The following ZNF536 variants were observed in gnomAD, a reference collection of about 807,000 sequenced individuals.
ZNF536 encodes zinc finger protein 536.
ZNF536 carries 13 observed loss-of-function variants against 84.5 expected under a neutral mutation model. That is an observed-to-expected ratio of 0.15 (90% CI 0.10 to 0.24). ZNF536 has a LOEUF of 0.24. Ranked by LOEUF, ZNF536 falls within the 10% of genes least tolerant of loss-of-function variation. The pLI is 1.00. For synonymous variants in ZNF536, 811 were observed against 742.5 expected (o/e 1.09, Z -1.50); for missense variants, 1,536 against 1,747.5 (o/e 0.88, Z 2.16).
intron 3 of ZNF536, among the ~76,000 whole-genome samples, chr19:30,365,693 A>C (rs1295604417): frequency 6.6e-6 from 1 of 151,908 alleles, no homozygotes; most frequent in Non-Finnish European, 1.5e-5. Flanking sequence ...GAGAGGACTG[A>C]CTCCTTAGCT....
intron 3 of ZNF536, among the ~76,000 whole-genome samples, chr19:30,360,169 C>A (rs540215222): frequency 6.6e-6 from 1 of 152,210 alleles, no homozygotes; most frequent in Non-Finnish European, 1.5e-5. Flanking sequence ...GAAAGTACCA[C>A]GCAGCGAGCT....
downstream of ZNF536, among the ~76,000 whole-genome samples, chr19:30,560,796 T>C (rs1169416776): frequency 6.6e-6 from 1 of 152,244 alleles, no homozygotes; most frequent in Non-Finnish European, 1.5e-5. Context: ...GATTATTCCA[T>C]AAGTATAGTC....
At chr19:30,514,487 C>A (rs1216915680) in intron 2 of ZNF536, among the ~76,000 whole-genome samples, 2 of 152,140 alleles carry the variant, frequency 1.3e-5, no homozygotes, top group African/African-American at 4.8e-5. Context: ...AATGGTGTGA[C>A]TGTGTTGGAG....
intron 2 of ZNF536, among the ~76,000 whole-genome samples, chr19:30,322,315 TATG>T (rs2046884288): frequency 6.6e-6 from 1 of 152,226 alleles, no homozygotes; most frequent in African/African-American, 2.4e-5. Context: ...AAAAAAATAC[TATG>T]ATGATCATCT....
At position 30,539,138 on chromosome 19, in the gene ZNF536, C is replaced by G. The variant is rs560193328; in HGVS notation, c.2323+4139C>G. ...TATGCACCCCCCCCACACACACACA[C>G]GCACACAGGAGATTTATAAGAAATT... On this transcript the variant is annotated intron_variant, in intron 3 of 4. Transcript: ENST00000355537. Among the ~76,000 whole-genome samples, 3 of 152,034 alleles carry G rather than the reference C, an allele frequency of 2.0e-5. No homozygotes were observed. The South Asian group carries it at 6.2e-4, about 32-fold the overall frequency.
chr19:30,296,553 T>C (rs1260944485), intron 2 of ZNF536, among the ~76,000 whole-genome samples: 1 of 151,776 alleles, frequency 6.6e-6, no homozygotes, highest in Non-Finnish European at 1.5e-5. Context: ...GGGTGAAGGG[T>C]GGGTGGATCT....
In ZNF536 at chr19:30,531,159, T is replaced by A. The variant is rs552098532; in HGVS notation, c.2171-3688T>A. Among the ~76,000 whole-genome samples, 38 of 152,360 alleles carry A rather than the reference T, an allele frequency of 2.5e-4. 1 individual carries two copies. In the South Asian group the frequency reaches 7.9e-3, roughly 32 times the overall value. On this transcript the variant is annotated intron_variant, in intron 2 of 4. Coordinates refer to ENST00000355537, the MANE Select transcript of ZNF536 (RefSeq NM_014717.3). ...ATCCCTTTTCTTTGTGAAGTAATAATTAGACTCTTAAATCTGCAAAGAAAA... is the reference window on the plus strand; with the variant it reads ...ATCCCTTTTCTTTGTGAAGTAATAAATAGACTCTTAAATCTGCAAAGAAAA...
chr19:30,374,676 A>G (rs2048738813), intron 1 of ZNF536, among the ~76,000 whole-genome samples: 2 of 120,090 alleles, frequency 1.7e-5, no homozygotes, highest in South Asian at 3.0e-4. Flanking sequence ...GGAAAACACA[A>G]CAAACTGAGT....
At chr19:30,429,556 C>G (rs1415093066) in intron 1 of ZNF536, among the ~76,000 whole-genome samples, 2 of 152,152 alleles carry the variant, frequency 1.3e-5, no homozygotes, top group Non-Finnish European at 2.9e-5. Flanking sequence ...GACAAATGAA[C>G]AAGATTGTTG....
At chr19:30,314,718 G>T (rs182700506) in intron 2 of ZNF536, among the ~76,000 whole-genome samples, 2 of 152,186 alleles carry the variant, frequency 1.3e-5, no homozygotes, top group African/African-American at 4.8e-5. Context: ...TGGGCAAGGT[G>T]TTGGGTAGGT....
intron 1 of ZNF536, among the ~76,000 whole-genome samples, chr19:30,433,001 C>T (rs932046550): frequency 1.3e-5 from 2 of 152,188 alleles, no homozygotes; most frequent in African/African-American, 4.8e-5. Flanking sequence ...TTAAGAGCTT[C>T]TTGAGCCGCT....
intron 1 of ZNF536, among the ~76,000 whole-genome samples, chr19:30,625,924 C>T (rs2147185399): frequency 6.6e-6 from 1 of 152,258 alleles, no homozygotes; most frequent in African/African-American, 2.4e-5. Flanking sequence ...GGTAGCTGCC[C>T]TATAGAATTG....
intron 1 of ZNF536, among the ~76,000 whole-genome samples, chr19:30,254,676 G>T (rs2145150375): frequency 6.6e-6 from 1 of 152,182 alleles, no homozygotes; most frequent in East Asian, 1.9e-4. Flanking sequence ...AGCTAACTAG[G>T]AGTCGGTAGT....
chr19:30,532,377 C>T (rs1460362190), intron 2 of ZNF536, among the ~76,000 whole-genome samples: 2 of 152,058 alleles, frequency 1.3e-5, no homozygotes, highest in Admixed American at 6.5e-5. Context: ...ATGATCCACC[C>T]GCCTCAGCCT....
At chr19:30,544,059 C>T (rs190570716) in intron 3 of ZNF536, among the ~76,000 whole-genome samples, 13 of 152,252 alleles carry the variant, frequency 8.5e-5, no homozygotes, top group Admixed American at 3.3e-4. Flanking sequence ...TTAGCGATTA[C>T]GAGGAAATTA....
intron 1 of ZNF536, among the ~76,000 whole-genome samples, chr19:30,234,131 A>G (rs1004116317): frequency 5.9e-5 from 9 of 152,232 alleles, no homozygotes; most frequent in Non-Finnish European, 1.3e-4. Flanking sequence ...TGGCTTTCCA[A>G]TGAGAAAATT....
intron 2 of ZNF536, among the ~76,000 whole-genome samples, chr19:30,519,824 A>C (rs2044245521): frequency 6.6e-6 from 1 of 152,230 alleles, no homozygotes; most frequent in South Asian, 2.1e-4. Context: ...AAGGGACACA[A>C]GAGTGAGAAA....
chr19:30,594,609 G>A (rs2047388136), intron 1 of ZNF536, among the ~76,000 whole-genome samples: 1 of 152,254 alleles, frequency 6.6e-6, no homozygotes, highest in Admixed American at 6.5e-5. Flanking sequence ...GCGCTCGTCT[G>A]CAGGACACCC....
intron 1 of ZNF536, among the ~76,000 whole-genome samples, chr19:30,648,416 G>A (rs950390580): frequency 3.3e-5 from 5 of 152,050 alleles, no homozygotes; most frequent in African/African-American, 1.2e-4. Context: ...ACCCACAGGC[G>A]CTCGACCTAC....
Sources: allele counts gnomAD v4.1 joint callset (sites outside exome capture counted in the v4.1 genomes callset), GRCh38; gene constraint gnomAD v4.1.1; transcripts MANE v1.5; gene names NCBI Gene and HGNC (gene_info 2026-07-23, HGNC 2026-07-21).